The following ASTN2 variants were observed in gnomAD, a reference collection of about 807,000 sequenced individuals.
ASTN2 encodes astrotactin 2, also known as astrotactin-2.
A neutral mutation model predicts 139.8 loss-of-function variants in ASTN2; 54 were observed. The observed-to-expected ratio is 0.39, with a 90% CI of 0.31 to 0.48. The LOEUF is 0.48. Among genes scored for constraint, ASTN2 ranks in the 20% least tolerant of loss-of-function variants. ASTN2 has a pLI of 0.95. For missense variants in ASTN2, 1,565 were observed against 1,725.1 expected, an observed-to-expected ratio of 0.91 and a Z score of 1.64; for synonymous variants, 756 against 719.5, an observed-to-expected ratio of 1.05 and a Z score of -0.81.
At chr9:116,817,148 G>T (rs546522351) in intron 12 of ASTN2, among the ~76,000 whole-genome samples, 1 of 151,918 alleles carries the variant, frequency 6.6e-6, no homozygotes, top group African/African-American at 2.4e-5. Context: ...CAAAAAATTA[G>T]CTGGGTGTGG....
intron 1 of ASTN2, among the ~76,000 whole-genome samples, chr9:117,298,672 A>G (rs548716136): frequency 2.4e-5 from 3 of 125,338 alleles, no homozygotes; most frequent in African/African-American, 5.6e-5. Flanking sequence ...ATATATGTGT[A>G]TATATATATA....
At chr9:116,815,227 T>C (rs564958929) in intron 12 of ASTN2, among the ~76,000 whole-genome samples, 1 of 152,344 alleles carries the variant, frequency 6.6e-6, no homozygotes, top group African/African-American at 2.4e-5. Context: ...ACAATGAAAA[T>C]ACGTGGCTTC....
Position 116,678,701 on chromosome 9 carries a change from C to CT in ASTN2, c.2807-26909dup, listed in dbSNP as rs562225083. Among the ~76,000 whole-genome samples the CT allele has an allele frequency of 1.8e-4, 28 of 152,178 alleles. 1 individual carries two copies. In the South Asian group the frequency reaches 5.6e-3, roughly 30 times the overall value. On this transcript the variant is annotated intron_variant, in intron 16 of 22. Transcript: ENST00000313400. Reference sequence around the variant, plus strand: ...CTAAGATTTGATTGAAATTATTTAGCTTTTTTTCCATAGATTAAAACATTA... The same window carrying CT: ...CTAAGATTTGATTGAAATTATTTAGCTTTTTTTTCCATAGATTAAAACATTA...
At chr9:117,284,370 G>A (rs1422656790) in intron 2 of ASTN2, among the ~76,000 whole-genome samples, 2 of 152,156 alleles carry the variant, frequency 1.3e-5, no homozygotes, top group African/African-American at 2.4e-5. Context: ...CTTTCAAAGC[G>A]GTAGGATTAC....
At chr9:117,096,919 T>C (rs1828854865) in intron 4 of ASTN2, among the ~76,000 whole-genome samples, 1 of 152,080 alleles carries the variant, frequency 6.6e-6, no homozygotes, top group Non-Finnish European at 1.5e-5. Flanking sequence ...AGGGGCAACA[T>C]TAAGTGGAGA....
intron 5 of ASTN2, among the ~76,000 whole-genome samples, chr9:117,054,654 C>T (rs1839005810): frequency 6.6e-6 from 1 of 152,156 alleles, no homozygotes; most frequent in Admixed American, 6.5e-5. Context: ...AAGGAAACAG[C>T]AGGGCACTGT....
At chr9:116,744,091 A>G (rs1261357619) in intron 13 of ASTN2, among the ~76,000 whole-genome samples, 1 of 152,074 alleles carries the variant, frequency 6.6e-6, no homozygotes, top group African/African-American at 2.4e-5. Context: ...TTAACAAGGG[A>G]GAGGGCAGAA....
Position 117,347,991 on chromosome 9 carries a change from G to T in ASTN2, c.443-56478C>A, listed in dbSNP as rs76223227. Among the ~76,000 whole-genome samples the T allele has an allele frequency of 3.9e-3, 599 of 152,122 alleles. 2 individuals are homozygous for T. Among genetic ancestry groups the T allele is most frequent in the African/African-American group, 0.014 (571 of 41,494 alleles). On this transcript the variant is annotated intron_variant, in intron 1 of 22. Transcript: ENST00000313400. Reference sequence around the variant, plus strand: ...GGAAATGAAAAGAAATTCTAATCAGGGTCTATTACCAGATAAGAAGATTAC... The same window carrying T: ...GGAAATGAAAAGAAATTCTAATCAGTGTCTATTACCAGATAAGAAGATTAC...
intron 4 of ASTN2, among the ~76,000 whole-genome samples, chr9:117,117,419 C>T (rs1284196446): frequency 1.3e-5 from 2 of 149,296 alleles, no homozygotes; most frequent in Non-Finnish European, 3.0e-5. Context: ...AACGCAACTC[C>T]ACTAATACCC....
At chr9:117,085,283 TCTTA>T (rs774308616) in intron 5 of ASTN2, among the ~76,000 whole-genome samples, 1 of 152,210 alleles carries the variant, frequency 6.6e-6, no homozygotes, top group Non-Finnish European at 1.5e-5. Flanking sequence ...AGTTCTTACT[TCTTA>T]CTGACAGTTC....
At chr9:116,703,781 G>A (rs1827917097) in intron 16 of ASTN2, among the ~76,000 whole-genome samples, 1 of 151,640 alleles carries the variant, frequency 6.6e-6, no homozygotes, top group African/African-American at 2.4e-5. Flanking sequence ...GAAGTGGAAG[G>A]GAGAACCTAG....
intron 17 of ASTN2, among the ~76,000 whole-genome samples, chr9:116,650,425 A>G (rs1307819639): frequency 2.6e-5 from 4 of 152,242 alleles, no homozygotes; most frequent in Admixed American, 2.0e-4. Context: ...ATGGCTAAGC[A>G]TATAAACTCT....
At position 117,225,557 on chromosome 9, in the gene ASTN2, A is replaced by G. The variant is rs1419903372; in HGVS notation, c.631-10815T>C. 7.1e-3 allele frequency among the ~76,000 whole-genome samples: 842 copies of G among 117,800 alleles called. 124 individuals carry two copies. Among genetic ancestry groups the G allele is most frequent in the Non-Finnish European group, 9.1e-3 (506 of 55,542 alleles). 77.3% of individuals were successfully genotyped at this position (117,800 alleles called of 152,430 possible). A position where few individuals can be genotyped will look rare whatever the true frequency, so the allele number is the denominator to read the frequency against. ...TATGTATATATATATATATATATAT[A>G]TATATATATATATATATACAGATGA... On this transcript the variant is annotated intron_variant, in intron 2 of 22. Transcript: ENST00000313400.
intron 2 of ASTN2, among the ~76,000 whole-genome samples, chr9:117,221,635 C>T (rs1038300491): frequency 2.6e-5 from 4 of 152,090 alleles, no homozygotes; most frequent in African/African-American, 9.7e-5. Flanking sequence ...CTTCTCTTCT[C>T]GTCACTTGTT....
At chr9:117,118,442 C>T (rs1221301572) in intron 4 of ASTN2, among the ~76,000 whole-genome samples, 1 of 151,758 alleles carries the variant, frequency 6.6e-6, no homozygotes, top group East Asian at 2.0e-4. Context: ...GATCATTTCT[C>T]ATCACCTCCA....
intron 5 of ASTN2, among the ~76,000 whole-genome samples, chr9:117,058,506 CTTAAG>C (rs1310138134): frequency 2.6e-5 from 4 of 152,168 alleles, no homozygotes; most frequent in South Asian, 4.1e-4. Flanking sequence ...AGAGGAGAAA[CTTAAG>C]TTAATATAAA....
At chr9:116,942,332 G>A (rs764179273) in intron 10 of ASTN2, among the ~76,000 whole-genome samples, 6 of 152,092 alleles carry the variant, frequency 3.9e-5, no homozygotes, top group East Asian at 1.9e-4. Flanking sequence ...CCAGCAAGAC[G>A]TGGCCCTCTT....
intron 11 of ASTN2, among the ~76,000 whole-genome samples, chr9:116,823,961 G>GT (rs1294595925): frequency 6.6e-6 from 1 of 152,146 alleles, no homozygotes; most frequent in African/African-American, 2.4e-5. Context: ...CTTACTGTCT[G>GT]TCTCCTCCAC....
chr9:117,257,056 C>T (rs1044210190), intron 2 of ASTN2, among the ~76,000 whole-genome samples: 2 of 152,110 alleles, frequency 1.3e-5, no homozygotes, highest in African/African-American at 4.8e-5. Flanking sequence ...AGAAAAAAAC[C>T]TCCACATTTT....
Sources: allele counts gnomAD v4.1 joint callset (sites outside exome capture counted in the v4.1 genomes callset), GRCh38; gene constraint gnomAD v4.1.1; transcripts MANE v1.5; gene names NCBI Gene and HGNC (gene_info 2026-07-23, HGNC 2026-07-21).